The following ATXN7L1 variants were observed in gnomAD, a reference collection of about 807,000 sequenced individuals.
ATXN7L1 encodes the protein ataxin-7-like protein 1.
ATXN7L1 carries 15 observed loss-of-function variants against 70.8 expected under a neutral mutation model. That is an observed-to-expected ratio of 0.21 (90% CI 0.14 to 0.33). The LOEUF is 0.33. Among genes scored for constraint, ATXN7L1 ranks in the 10% least tolerant of loss-of-function variants. ATXN7L1 has a pLI of 1.00. For missense variants in ATXN7L1, 975 were observed against 1,097.1 expected (o/e 0.89, Z 1.57); for synonymous variants, 440 against 445.1 (o/e 0.99, Z 0.14).
At position 105,606,870 on chromosome 7, in the gene ATXN7L1, G is replaced by T. The variant is rs1792784395; in HGVS notation, c.*982C>A. On this transcript the variant is annotated 3_prime_UTR_variant, in exon 12 of 12. Coordinates refer to ENST00000419735, the MANE Select transcript of ATXN7L1 (RefSeq NM_020725.2). ...CCCTGGGGGGCTCTTCCTAGCCCAG[G>T]AAGGCAGCCTAAGAACCTTTAGCAG... 1 of 152,188 alleles carries T rather than the reference G, an allele frequency of 6.6e-6. No individual in the cohort carries two copies. 9.4% of individuals were successfully genotyped at this position (152,188 alleles called of 1,614,324 possible).
chr7:105,773,701 G>C (rs1397888348), intron 3 of ATXN7L1, among the ~76,000 whole-genome samples: 1 of 152,016 alleles, frequency 6.6e-6, no homozygotes, highest in Non-Finnish European at 1.5e-5. Flanking sequence ...TTCCTCCCCA[G>C]GATGTGCTAC....
chr7:105,678,185 CA>C (rs1271318214), intron 3 of ATXN7L1, among the ~76,000 whole-genome samples: 2 of 150,384 alleles, frequency 1.3e-5, no homozygotes, highest in Non-Finnish European at 3.0e-5. Flanking sequence ...AAACTTTTTA[CA>C]TGATTTAAGA....
chr7:105,807,288 A>T (rs997999997), intron 2 of ATXN7L1, among the ~76,000 whole-genome samples: 1 of 152,248 alleles, frequency 6.6e-6, no homozygotes, highest in African/African-American at 2.4e-5. Flanking sequence ...GCTTTAGAAA[A>T]GTCAAGTCAC....
intron 2 of ATXN7L1, among the ~76,000 whole-genome samples, chr7:105,802,531 A>G (rs77829969): frequency 0.038 from 5,847 of 152,274 alleles, 386 homozygotes; most frequent in African/African-American, 0.13. Flanking sequence ...GGAAAATTCA[A>G]TCCAATTTCC....
intron 3 of ATXN7L1, among the ~76,000 whole-genome samples, chr7:105,759,145 T>C (rs571695861): frequency 7.1e-4 from 97 of 136,918 alleles, no homozygotes; most frequent in Non-Finnish European, 1.4e-3. Context: ...GTGGCCTTTT[T>C]TTTAGTTTAT....
At chr7:105,673,038 C>T (rs977247394) in intron 3 of ATXN7L1, among the ~76,000 whole-genome samples, 1 of 152,236 alleles carries the variant, frequency 6.6e-6, no homozygotes, top group Admixed American at 6.5e-5. Context: ...CAGGGGCAGT[C>T]CTGGAGATCA....
chr7:105,757,557 C>T (rs1418874091), intron 3 of ATXN7L1, among the ~76,000 whole-genome samples: 1 of 146,206 alleles, frequency 6.8e-6, no homozygotes, highest in Non-Finnish European at 1.5e-5. Flanking sequence ...TTTCAGTTAC[C>T]ATCCTAGTCT....
At chr7:105,820,697 T>C (rs1206374965) in intron 2 of ATXN7L1, among the ~76,000 whole-genome samples, 2 of 152,176 alleles carry the variant, frequency 1.3e-5, no homozygotes, top group Non-Finnish European at 2.9e-5. Flanking sequence ...GTGTGTCCCC[T>C]CCAAATCTCA....
chr7:105,807,575 T>C (rs1244284267), intron 2 of ATXN7L1, among the ~76,000 whole-genome samples: 2 of 152,222 alleles, frequency 1.3e-5, no homozygotes, highest in Non-Finnish European at 2.9e-5. Context: ...CTCAGTCACA[T>C]GACTTACTTT....
chr7:105,723,395 T>C (rs1563037973), intron 3 of ATXN7L1, among the ~76,000 whole-genome samples: 1 of 152,212 alleles, frequency 6.6e-6, no homozygotes, highest in African/African-American at 2.4e-5. Context: ...ATTCAATAAA[T>C]ATTTAGTATT....
intron 3 of ATXN7L1, among the ~76,000 whole-genome samples, chr7:105,766,833 G>A (rs1801323927): frequency 6.6e-6 from 1 of 152,224 alleles, no homozygotes; most frequent in Admixed American, 6.5e-5. Flanking sequence ...CACCCAGGGG[G>A]AACCAGCTTC....
In ATXN7L1 at chr7:105,665,030, GACAGACAGCAGCTGGCTGC is replaced by G; in HGVS notation, c.578+17_578+35del. ...CCATGGTGACAGGAACAGCAGGGGG[GACAGACAGCAGCTGGCTGC>G]CAGCCAGCTGACTCACCATGGTTTA... On this transcript the variant is annotated intron_variant, in intron 4 of 11. Transcript: ENST00000419735. 6.6e-7 allele frequency: 1 copy of G among 1,512,630 alleles called. No individual in the cohort carries two copies. Among genetic ancestry groups the G allele is most frequent in the East Asian group, 2.5e-5 (1 of 40,710 alleles). 93.7% of individuals were successfully genotyped at this position (1,512,630 alleles called of 1,614,324 possible).
chr7:105,622,842 A>G (rs1231131495), intron 8 of ATXN7L1, among the ~76,000 whole-genome samples: 2 of 152,154 alleles, frequency 1.3e-5, no homozygotes, highest in Non-Finnish European at 2.9e-5. Flanking sequence ...TGAGTAGCAC[A>G]CCACTGGGTG....
intron 3 of ATXN7L1, among the ~76,000 whole-genome samples, chr7:105,780,789 G>A (rs1025254431): frequency 6.6e-6 from 1 of 152,196 alleles, no homozygotes; most frequent in African/African-American, 2.4e-5. Context: ...CACTTTGCAT[G>A]TATGTGTGAT....
At chr7:105,651,812 C>G (rs574867262) in intron 4 of ATXN7L1, among the ~76,000 whole-genome samples, 1 of 152,334 alleles carries the variant, frequency 6.6e-6, no homozygotes, top group South Asian at 2.1e-4. Flanking sequence ...AACATGTTGT[C>G]TCCTGCAATC....
intron 2 of ATXN7L1, among the ~76,000 whole-genome samples, chr7:105,853,101 TTA>T (rs1354599455): frequency 6.6e-6 from 1 of 152,086 alleles, no homozygotes; most frequent in Middle Eastern, 3.2e-3. Flanking sequence ...TTTAATGGGT[TTA>T]GAGTTTCTGT....
At chr7:105,755,193 T>C (rs1465231521) in intron 3 of ATXN7L1, among the ~76,000 whole-genome samples, 1 of 151,400 alleles carries the variant, frequency 6.6e-6, no homozygotes, top group Admixed American at 6.6e-5. Flanking sequence ...GGTGTTTCCT[T>C]CTCTAGAAGC....
intron 7 of ATXN7L1, among the ~76,000 whole-genome samples, chr7:105,630,468 A>AT (rs1449150241): frequency 2.0e-5 from 3 of 152,138 alleles, no homozygotes; most frequent in Non-Finnish European, 2.9e-5. Flanking sequence ...TTTAAAAAAT[A>AT]TTTTTTGGCG....
intron 3 of ATXN7L1, among the ~76,000 whole-genome samples, chr7:105,720,272 G>A (rs937772038): frequency 1.3e-5 from 2 of 152,118 alleles, no homozygotes; most frequent in African/African-American, 2.4e-5. Flanking sequence ...CAGTGCTTAC[G>A]CCTGTAATCC....
Sources: gnomAD v4.1 joint callset for allele counts (sites outside exome capture counted in the v4.1 genomes callset) on GRCh38, gnomAD v4.1.1 for gene constraint, MANE v1.5 for transcripts, NCBI Gene and HGNC (gene_info 2026-07-23, HGNC 2026-07-21) for gene names.